The following MGRN1 variants were observed in gnomAD, a reference collection of about 807,000 sequenced individuals.
The protein encoded by MGRN1 is mahogunin ring finger 1.
A neutral mutation model predicts 69.2 loss-of-function variants in MGRN1; 29 were observed. That is an observed-to-expected ratio of 0.42 (90% CI 0.31 to 0.57). MGRN1 has a LOEUF of 0.57. MGRN1 is among the 20% of genes least tolerant of loss of function. The pLI, the probability that MGRN1 is intolerant of heterozygous loss-of-function variation, is 0.15. For synonymous variants in MGRN1, 470 were observed against 344.2 expected (o/e 1.37, Z -4.04); for missense variants, 998 against 796.2 (o/e 1.25, Z -3.05).
At chr16:4,663,741 C>T (rs1184822492) in intron 5 of MGRN1, among the ~76,000 whole-genome samples, 2 of 152,152 alleles carry the variant, frequency 1.3e-5, no homozygotes, top group Non-Finnish European at 2.9e-5. Context: ...AAGGACGTGG[C>T]CTGTAGAGAG....
rs774566837 is a variant in MGRN1 at position 4,673,558 on chromosome 16, C to T, written c.856C>T (p.Arg286Trp). 3.7e-6 allele frequency: 6 copies of T among 1,613,756 alleles called. No homozygotes were observed. The highest frequency in any genetic ancestry group is 2.2e-5 in the East Asian group (1 of 44,888). ...GTGTGTGGTGTGCCTGTCCGACCTG[C>T]GGGACACGCTGATCCTGCCCTGCCG... ...NECVVCLSDL[R>W]DTLILPCRHL... is the part of the protein sequence containing the mutation. The change falls in exon 10 of 17, where the codon CGG becomes TGG. Residue 286 changes from arginine to tryptophan, a missense_variant. Transcript: ENST00000262370.
intron 16 of MGRN1, among the ~76,000 whole-genome samples, chr16:4,684,550 G>T (rs1013335781): frequency 1.3e-5 from 2 of 152,254 alleles, no homozygotes; most frequent in Admixed American, 1.3e-4. Context: ...GGACGGCGGG[G>T]GCGCCAGGCG....
intron 1 of MGRN1, among the ~76,000 whole-genome samples, chr16:4,646,590 G>A (rs1055975861): frequency 2.6e-5 from 4 of 152,138 alleles, no homozygotes; most frequent in Non-Finnish European, 5.9e-5. Flanking sequence ...TGTCCTCACA[G>A]CATGGTGGCA....
At chr16:4,674,132 C>T (rs2079002128) in intron 10 of MGRN1, among the ~76,000 whole-genome samples, 1 of 152,088 alleles carries the variant, frequency 6.6e-6, no homozygotes, top group Admixed American at 6.6e-5. Flanking sequence ...TTGCAGGCAA[C>T]TGCCACCATG....
At chr16:4,625,194 G>GC in intron 1 of MGRN1, 146 bp downstream of exon 1, 2 of 716,672 alleles carry the variant, frequency 2.8e-6, no homozygotes, top group Middle Eastern at 4.5e-4. Context: ...CGGCCCCACG[G>GC]CCCCGATCCC....
At chr16:4,685,511 A>G (rs2079291793) in intron 16 of MGRN1, among the ~76,000 whole-genome samples, 2 of 152,328 alleles carry the variant, frequency 1.3e-5, no homozygotes, top group South Asian at 4.1e-4. Flanking sequence ...GGGCAGCCTG[A>G]GGTGAACTCC....
chr16:4,658,854 G>A (rs1475161450), intron 5 of MGRN1: 2 of 152,156 alleles, frequency 1.3e-5, no homozygotes, highest in Non-Finnish European at 2.9e-5. Context: ...AAAATTAGCT[G>A]GATGTGGTGG....
chr16:4,678,858 TC>T (rs1282214069), intron 11 of MGRN1, among the ~76,000 whole-genome samples: 3 of 152,260 alleles, frequency 2.0e-5, no homozygotes, highest in Admixed American at 6.5e-5. Flanking sequence ...AGAAGGCTCC[TC>T]CCAAGCCCCC....
chr16:4,687,578 TACACACACAC>T (rs60384408), intron 16 of MGRN1: 37 of 931,900 alleles, frequency 4.0e-5, no homozygotes, highest in African/African-American at 3.8e-4. Flanking sequence ...AAAAAAAAAA[TACACACACAC>T]ACACACACAC....
intron 5 of MGRN1, among the ~76,000 whole-genome samples, chr16:4,658,379 C>CA (rs1234973736): frequency 6.6e-6 from 1 of 151,650 alleles, no homozygotes; most frequent in Non-Finnish European, 1.5e-5. Context: ...ACTAAAAATA[C>CA]AAAAAAATTA....
intron 16 of MGRN1, among the ~76,000 whole-genome samples, chr16:4,685,416 G>C (rs573160409): frequency 1.3e-5 from 2 of 152,334 alleles, no homozygotes; most frequent in South Asian, 4.1e-4. Context: ...CACAGGGGAG[G>C]GTCTCGGGCC....
At chr16:4,673,372 G>C in intron 9 of MGRN1, 126 bp from the exon 10 acceptor site, 1 of 1,297,524 alleles carries the variant, frequency 7.7e-7, no homozygotes, top group Admixed American at 2.1e-5. Flanking sequence ...CCTCCCCTCT[G>C]GACTTCTCTT....
intron 1 of MGRN1, among the ~76,000 whole-genome samples, chr16:4,626,486 A>G (rs1416378399): frequency 6.6e-6 from 1 of 152,168 alleles, no homozygotes; most frequent in Non-Finnish European, 1.5e-5. Flanking sequence ...TCATCTGTAA[A>G]ACGGGCTGAT....
At chr16:4,659,410 A>G (rs1480582778) in intron 5 of MGRN1, among the ~76,000 whole-genome samples, 1 of 152,038 alleles carries the variant, frequency 6.6e-6, no homozygotes, top group East Asian at 1.9e-4. Flanking sequence ...GGGGAGCCCC[A>G]GTCTCCGAGC....
At chr16:4,658,830 CTA>C (rs111613441) in intron 5 of MGRN1, 34 of 152,240 alleles carry the variant, frequency 2.2e-4, no homozygotes, top group African/African-American at 7.2e-4. Context: ...AACCTTGTCT[CTA>C]TGAAAAATAC....
rs916493755 is a variant in MGRN1, at chr16:4,690,747, C to G, written c.*1839C>G. The G allele has an allele frequency of 7.3e-5, 11 of 151,704 alleles. No homozygotes were observed. Among genetic ancestry groups the G allele is most frequent in the Admixed American group, 6.6e-4 (10 of 15,240 alleles). The allele number at this position is 151,704 out of a possible 1,614,324, so 9.4% of individuals were successfully genotyped here. A position where few individuals can be genotyped will look rare whatever the true frequency, so the allele number is the denominator to read the frequency against. ...CCCACCCCAAGCACCTCTCTCCCCC[C>G]ATGCACCTCTCCCCAACAACACACA... On this transcript the variant is annotated 3_prime_UTR_variant, in exon 17 of 17. Coordinates refer to ENST00000262370, the MANE Select transcript of MGRN1 (RefSeq NM_015246.4).
At chr16:4,660,533 C>A (rs1239827110) in intron 5 of MGRN1, among the ~76,000 whole-genome samples, 1 of 152,252 alleles carries the variant, frequency 6.6e-6, no homozygotes, top group African/African-American at 2.4e-5. Flanking sequence ...CACAGAGCGG[C>A]CCACGCCAGT....
intron 6 of MGRN1, 136 bp downstream of exon 6, chr16:4,664,911 A>C: frequency 7.8e-7 from 1 of 1,277,774 alleles, no homozygotes; most frequent in Non-Finnish European, 1.1e-6. Context: ...GCAGGGTGTG[A>C]GCAGCTTGGA....
intron 1 of MGRN1, among the ~76,000 whole-genome samples, chr16:4,645,093 A>G (rs1165084942): frequency 2.3e-5 from 3 of 133,204 alleles, no homozygotes; most frequent in Non-Finnish European, 4.6e-5. Flanking sequence ...GTTTCTCTGA[A>G]GTTATTTATA....
Sources: allele counts gnomAD v4.1 joint callset (sites outside exome capture counted in the v4.1 genomes callset), GRCh38; gene constraint gnomAD v4.1.1; transcripts MANE v1.5; gene names NCBI Gene and HGNC (gene_info 2026-07-23, HGNC 2026-07-21).